ZC4H2: variants seen among roughly 807,000 people sequenced by gnomAD.
The protein encoded by ZC4H2 is zinc finger C4H2 domain-containing protein.
For missense variants in ZC4H2, 137 were observed against 173.9 expected (o/e 0.79, Z 1.19); for synonymous variants, 84 against 66.3 (o/e 1.27, Z -1.30).
intron 1 of ZC4H2, among the ~76,000 whole-genome samples, chrX:64,938,576 G>T (rs947162703): frequency 1.8e-5 from 2 of 111,823 alleles, no homozygotes; most frequent in African/African-American, 6.5e-5. Flanking sequence ...ACATTAAAAA[G>T]CTTATCCACT....
chrX:65,008,430 A>G (rs1426569314), intron 1 of ZC4H2, among the ~76,000 whole-genome samples: 1 of 112,058 alleles, frequency 8.9e-6, no homozygotes, highest in East Asian at 2.8e-4. Flanking sequence ...TAAAAATAGA[A>G]CTACCATATG....
At chrX:64,921,011 T>A (rs145869063) in intron 2 of ZC4H2, among the ~76,000 whole-genome samples, 2 of 112,232 alleles carry the variant, frequency 1.8e-5, no homozygotes, top group African/African-American at 6.5e-5. Context: ...CTTTATGAGA[T>A]CTAGAATTCT....
At chrX:64,950,912 C>A (rs367615629) in intron 1 of ZC4H2, among the ~76,000 whole-genome samples, 1 of 110,338 alleles carries the variant, frequency 9.1e-6, no homozygotes, top group African/African-American at 3.3e-5. Flanking sequence ...CCCATTAACT[C>A]GTCATTTAGC....
Position 64,933,683 on chromosome X carries a change from T to A in ZC4H2, c.54-11695A>T, listed in dbSNP as rs1429143274. ...TTTCCCAGATGATGGTTTTAGTAGT[T>A]AAGTTCTTGGTGTGTGGGCAAGTTC... On this transcript the variant is annotated intron_variant, in intron 1 of 4. Coordinates refer to ENST00000374839, the MANE Select transcript of ZC4H2 (RefSeq NM_018684.4). 3.6e-5 allele frequency among the ~76,000 whole-genome samples: 4 copies of A among 111,452 alleles called. No individual in the cohort carries two copies. In the East Asian group the frequency reaches 1.1e-3, roughly 31 times the overall value.
intron 1 of ZC4H2, among the ~76,000 whole-genome samples, chrX:64,942,117 T>C (rs1478130861): frequency 9.0e-6 from 1 of 111,531 alleles, no homozygotes; most frequent in Non-Finnish European, 1.9e-5. Flanking sequence ...TAGTTTAGTC[T>C]TGGGAGTGTG....
upstream of ZC4H2, among the ~76,000 whole-genome samples, chrX:64,981,238 T>G (rs903637242): frequency 8.0e-4 from 89 of 111,320 alleles, no homozygotes; most frequent in African/African-American, 2.6e-3. Context: ...TGAGTCTGGG[T>G]TTTATTCTAA....
At position 64,934,834 on chromosome X, in the gene ZC4H2, C is replaced by T. The variant is rs751484611; in HGVS notation, c.54-12846G>A. On this transcript the variant is annotated intron_variant, in intron 1 of 4. Coordinates refer to ENST00000374839, the MANE Select transcript of ZC4H2 (RefSeq NM_018684.4). ...TGCTTTTCCCACAGTCTTCACAACC[C>T]GCAGACCAGGAGATCCCCTTCGGTG... 9.8e-5 allele frequency among the ~76,000 whole-genome samples: 11 copies of T among 112,127 alleles called. No homozygotes were observed. The South Asian group carries it at 1.1e-3, about 11-fold the overall frequency.
At chrX:64,976,490 T>A, upstream of ZC4H2, 3 of 860,601 alleles carry the variant, frequency 3.5e-6, no homozygotes, top group Non-Finnish European at 5.1e-6. Flanking sequence ...GCCTGTGCGG[T>A]AGGGGCTTGG....
chrX:64,935,655 G>A (rs907209449), intron 1 of ZC4H2, among the ~76,000 whole-genome samples: 2 of 112,039 alleles, frequency 1.8e-5, no homozygotes, highest in Non-Finnish European at 3.8e-5. Flanking sequence ...CCGTTCTTCA[G>A]CCTCCGCTGG....
chrX:65,017,110 C>T lies in ZC4H2; in HGVS notation c.-272+17519G>A, dbSNP rs746458297. Among the ~76,000 whole-genome samples the T allele has an allele frequency of 5.7e-4, 64 of 111,708 alleles. 2 individuals are homozygous for T. Among genetic ancestry groups the T allele is most frequent in the East Asian group, 1.1e-3 (4 of 3,539 alleles). On this transcript the variant is annotated intron_variant, in intron 1 of 4. Transcript: ENST00000337990. Reference sequence around the variant, plus strand: ...TTATTTCTGATGTGAAAAGAGCCATCGGGACTCCTCTCCCCTTAGATTATT... The same window carrying T: ...TTATTTCTGATGTGAAAAGAGCCATTGGGACTCCTCTCCCCTTAGATTATT...
rs138486277 is a variant in ZC4H2 at position 64,921,302 on chromosome X, C to T, written c.225+515G>A. On this transcript the variant is annotated intron_variant, in intron 2 of 4. Transcript: ENST00000374839. ...GCTCATACAAGTGTCCATTAAGATG[C>T]TGCTTGAATAATTCCAAAGAGGGGA... Among the ~76,000 whole-genome samples, 638 of 112,008 alleles carry T rather than the reference C, an allele frequency of 5.7e-3. 17 individuals are homozygous for T. In the East Asian group the frequency reaches 0.11, roughly 20 times the overall value.
In ZC4H2 at chrX:64,958,494, A is replaced by G. The variant is rs188870348; in HGVS notation, c.53+17831T>C. ...GTTTTCACACAGCAATCTCAAGTTA[A>G]TATCCAGAATTCCTTGCTTCTATAT... On this transcript the variant is annotated intron_variant, in intron 1 of 4. Transcript: ENST00000374839. Among the ~76,000 whole-genome samples the G allele has an allele frequency of 7.1e-3, 799 of 112,073 alleles. 7 individuals carry two copies. The highest frequency in any genetic ancestry group is 0.024 in the African/African-American group (745 of 30,833).
At chrX:65,007,145 A>G (rs768984744) in intron 1 of ZC4H2, among the ~76,000 whole-genome samples, 81 of 111,895 alleles carry the variant, frequency 7.2e-4, no homozygotes, top group African/African-American at 2.5e-3. Context: ...AAAAAAAAAA[A>G]GACAACTATT....
intron 1 of ZC4H2, among the ~76,000 whole-genome samples, chrX:65,014,216 G>A (rs1486741927): frequency 1.8e-5 from 2 of 111,137 alleles, no homozygotes; most frequent in African/African-American, 3.3e-5. Flanking sequence ...GCACACCGGA[G>A]GTAAACAACA....
chrX:64,967,310 T>C (rs192404840), intron 1 of ZC4H2, among the ~76,000 whole-genome samples: 175 of 111,545 alleles, frequency 1.6e-3, no homozygotes, highest in African/African-American at 5.4e-3. Context: ...AGGCCCTTCC[T>C]CTCTCTAATC....
At chrX:64,952,514 T>C (rs1419108644) in intron 1 of ZC4H2, among the ~76,000 whole-genome samples, 1 of 110,915 alleles carries the variant, frequency 9.0e-6, no homozygotes, top group East Asian at 2.8e-4. Flanking sequence ...AGCATTCTTA[T>C]ACACCAATAA....
At chrX:65,027,749 A>G (rs1015052140) in intron 1 of ZC4H2, among the ~76,000 whole-genome samples, 2 of 111,863 alleles carry the variant, frequency 1.8e-5, no homozygotes, top group African/African-American at 6.5e-5. Flanking sequence ...CAGCACACCA[A>G]GAGACAGAGA....
At chrX:64,983,025 C>T in intron 1 of ZC4H2, among the ~76,000 whole-genome samples, 1 of 111,355 alleles carries the variant, frequency 9.0e-6, no homozygotes, top group Non-Finnish European at 1.9e-5. Context: ...CCTTCAAAAT[C>T]CCCTTGCATA....
intron 1 of ZC4H2, among the ~76,000 whole-genome samples, chrX:64,938,215 C>A (rs778924580): frequency 8.9e-6 from 1 of 111,752 alleles, no homozygotes; most frequent in African/African-American, 3.3e-5. Context: ...GACAAATACA[C>A]CCCCTCAAGT....
Sources: gnomAD v4.1 joint callset for allele counts (sites outside exome capture counted in the v4.1 genomes callset) on GRCh38, gnomAD v4.1.1 for gene constraint, MANE v1.5 for transcripts, NCBI Gene and HGNC (gene_info 2026-07-23, HGNC 2026-07-21) for gene names.